The following MAL2 variants were observed in gnomAD, a reference collection of about 807,000 sequenced individuals.
MAL2 encodes mal, T cell differentiation protein 2.
MAL2 carries 17 observed loss-of-function variants against 18.1 expected under a neutral mutation model. The observed-to-expected ratio is 0.94, with a 90% CI of 0.64 to 1.41. The LOEUF is 1.41. Ranked by LOEUF, MAL2 falls within the 40% of genes most tolerant of loss-of-function variation. The pLI is 0.00. For missense variants in MAL2, 222 were observed against 231.9 expected, an observed-to-expected ratio of 0.96 and a Z score of 0.28; for synonymous variants, 102 against 102.3, an observed-to-expected ratio of 1.00 and a Z score of 0.02.
At chr8:119,229,591 C>T (rs1448401542) in intron 2 of MAL2, among the ~76,000 whole-genome samples, 3 of 152,126 alleles carry the variant, frequency 2.0e-5, no homozygotes, top group African/African-American at 2.4e-5. Flanking sequence ...GGATTACAGA[C>T]ACGAGCCACT....
At chr8:119,235,432 C>G (rs1817861913) in intron 2 of MAL2, among the ~76,000 whole-genome samples, 1 of 151,950 alleles carries the variant, frequency 6.6e-6, no homozygotes, top group African/African-American at 2.4e-5. Flanking sequence ...CATTCAGATT[C>G]AGGAAATACA....
rs1361969076 is a variant in MAL2 at position 119,208,636 on chromosome 8, G to A, written c.132+32G>A. Reference sequence around the variant, plus strand: ...GGGGCCGCCGGAGCGAGGGTCGCGCGGGGAGCGAGGACAGGCGGCGGCATC... The same window carrying A: ...GGGGCCGCCGGAGCGAGGGTCGCGCAGGGAGCGAGGACAGGCGGCGGCATC... On this transcript the variant is annotated intron_variant, in intron 1 of 3. Coordinates refer to ENST00000614891, the MANE Select transcript of MAL2 (RefSeq NM_052886.3). This position sits in a 1 kb window ranked among gnomAD's most constrained non-coding sequence, Gnocchi z 4.3. 2 of 1,282,632 alleles carry A rather than the reference G, an allele frequency of 1.6e-6. No homozygotes were observed. The highest frequency in any genetic ancestry group is 2.0e-6 in the Non-Finnish European group (2 of 1,013,262). 79.5% of individuals were successfully genotyped at this position (1,282,632 alleles called of 1,614,324 possible).
intron 2 of MAL2, among the ~76,000 whole-genome samples, chr8:119,222,860 C>T (rs529202671): frequency 5.5e-4 from 83 of 151,058 alleles, no homozygotes; most frequent in African/African-American, 1.9e-3. Context: ...TTGCAATCAA[C>T]ACAATTTTTA....
chr8:119,208,898 G>A lies in MAL2; in HGVS notation c.132+294G>A, dbSNP rs184515445. On this transcript the variant is annotated intron_variant, in intron 1 of 3. Coordinates refer to ENST00000614891, the MANE Select transcript of MAL2 (RefSeq NM_052886.3). The surrounding 1 kb of genome is among the most constrained non-coding windows in gnomAD (Gnocchi z 4.3). ...TTGGGGACGTGGAGGAAAGAAAGGT[G>A]TTGGGGCTCAGAGGCGCCTTTAGAA... 1.5e-5 allele frequency: 4 copies of A among 260,152 alleles called. No homozygotes were observed. In the Admixed American group the frequency reaches 1.7e-4, roughly 11 times the overall value. 16.1% of individuals were successfully genotyped at this position (260,152 alleles called of 1,614,324 possible). A position where few individuals can be genotyped will look rare whatever the true frequency, so the allele number is the denominator to read the frequency against.
intron 1 of MAL2, among the ~76,000 whole-genome samples, chr8:119,211,819 A>G (rs1817272047): frequency 6.6e-6 from 1 of 151,694 alleles, no homozygotes. Context: ...ACAGAGTTTA[A>G]TACTAAGTTA....
Position 119,240,461 on chromosome 8 carries a change from AATAACCTTGTAAGC to A in MAL2, c.459+143_459+156del, listed in dbSNP as rs1423409086. 4.6e-6 allele frequency: 4 copies of A among 877,126 alleles called. No homozygotes were observed. The East Asian group carries it at 1.1e-4, about 23-fold the overall frequency. The allele number at this position is 877,126 out of a possible 1,614,324, so 54.3% of individuals were successfully genotyped here. On this transcript the variant is annotated intron_variant, in intron 3 of 3. Transcript: ENST00000614891. ...ATATGTAATAGCTATTTATCTGTAC[AATAACCTTGTAAGC>A]AAAGTGCCATGATCACCCCCAGTGT...
At chr8:119,219,082 T>G (rs1817413046) in intron 1 of MAL2, among the ~76,000 whole-genome samples, 1 of 152,168 alleles carries the variant, frequency 6.6e-6, no homozygotes, top group African/African-American at 2.4e-5. Flanking sequence ...TAGGAACAAG[T>G]TTTTTCTTTT....
intron 2 of MAL2, 80 bp downstream of exon 2, chr8:119,221,837 C>T: frequency 1.4e-6 from 2 of 1,457,120 alleles, no homozygotes; most frequent in Non-Finnish European, 1.9e-6. Context: ...TGCCAGAGTC[C>T]CAGTTCTGTT....
chr8:119,237,709 G>T lies in MAL2; in HGVS notation c.304-2456G>T, dbSNP rs375065447. Among the ~76,000 whole-genome samples, 5 of 151,682 alleles carry T rather than the reference G, an allele frequency of 3.3e-5. No individual in the cohort carries two copies. In the East Asian group the frequency reaches 9.6e-4, roughly 29 times the overall value. On this transcript the variant is annotated intron_variant, in intron 2 of 3. Coordinates refer to ENST00000614891, the MANE Select transcript of MAL2 (RefSeq NM_052886.3). ...AAACCACATGATTATCTCAATAGAT[G>T]CAGAAAAAGCCTTTGACAAAATTCA...
intron 2 of MAL2, among the ~76,000 whole-genome samples, chr8:119,231,696 G>A (rs1178142608): frequency 6.6e-6 from 1 of 152,172 alleles, no homozygotes; most frequent in African/African-American, 2.4e-5. Context: ...CTAAAGGCCA[G>A]TAGATGAATG....
chr8:119,224,871 C>T (rs1817551224), intron 2 of MAL2, among the ~76,000 whole-genome samples: 1 of 152,182 alleles, frequency 6.6e-6, no homozygotes, highest in Non-Finnish European at 1.5e-5. Context: ...TAGTATCTTA[C>T]ATTTTGTCAG....
chr8:119,219,860 G>A (rs1257120683), intron 1 of MAL2, among the ~76,000 whole-genome samples: 2 of 152,184 alleles, frequency 1.3e-5, no homozygotes, highest in East Asian at 3.9e-4. Flanking sequence ...TAACTGAGCA[G>A]GGGTGGATCT....
At chr8:119,227,303 G>A (rs1817615851) in intron 2 of MAL2, among the ~76,000 whole-genome samples, 1 of 152,124 alleles carries the variant, frequency 6.6e-6, no homozygotes, top group Admixed American at 6.5e-5. Flanking sequence ...TGGGCTTTTT[G>A]TGCATTTTGT....
Position 119,221,381 on chromosome 8 carries a change from C to T in MAL2, c.133-206C>T, listed in dbSNP as rs150693928. 1.4e-4 allele frequency: 82 copies of T among 566,078 alleles called. No individual in the cohort carries two copies. The East Asian group carries it at 2.3e-3, about 16-fold the overall frequency. The allele number at this position is 566,078 out of a possible 1,614,324, so 35.1% of individuals were successfully genotyped here. ...ATACAGGTGTGGAGTTGGATCAGTT[C>T]TCCAAGCAGGAGGATTGATCTTGCA... is the stretch of plus-strand genomic sequence containing the variant. On this transcript the variant is annotated intron_variant, in intron 1 of 3. Coordinates refer to ENST00000614891, the MANE Select transcript of MAL2 (RefSeq NM_052886.3).
chr8:119,239,031 A>G (rs2129913445), intron 2 of MAL2, among the ~76,000 whole-genome samples: 1 of 152,160 alleles, frequency 6.6e-6, no homozygotes, highest in South Asian at 2.1e-4. Context: ...TACTCATCTG[A>G]CAAAGGTCTA....
intron 2 of MAL2, among the ~76,000 whole-genome samples, chr8:119,233,557 A>G (rs2129876845): frequency 6.6e-6 from 1 of 152,340 alleles, no homozygotes; most frequent in Middle Eastern, 3.4e-3. Context: ...CCTCTATGCA[A>G]ATAAACTAGA....
intron 2 of MAL2, chr8:119,223,800 G>A (rs1431473907): frequency 6.6e-6 from 1 of 151,896 alleles, no homozygotes; most frequent in East Asian, 1.9e-4. Context: ...TTGTGTGTGG[G>A]TCTTTTTTTT....
At chr8:119,242,144 G>A (rs947955978) in intron 3 of MAL2, among the ~76,000 whole-genome samples, 1 of 152,116 alleles carries the variant, frequency 6.6e-6, no homozygotes, top group Non-Finnish European at 1.5e-5. Flanking sequence ...CATTGAAGTA[G>A]CCCCAAATCT....
intron 2 of MAL2, among the ~76,000 whole-genome samples, chr8:119,229,649 G>A (rs1817672134): frequency 6.6e-6 from 1 of 152,094 alleles, no homozygotes; most frequent in African/African-American, 2.4e-5. Flanking sequence ...TGTGTAACAT[G>A]CATCATCACT....
Sources: allele counts gnomAD v4.1 joint callset (sites outside exome capture counted in the v4.1 genomes callset), GRCh38; gene constraint gnomAD v4.1.1; non-coding constraint Gnocchi (gnomAD v3.1); transcripts MANE v1.5; gene names NCBI Gene and HGNC (gene_info 2026-07-23, HGNC 2026-07-21).